RSRC1: variants seen among roughly 807,000 people sequenced by gnomAD.
RSRC1 encodes serine/Arginine-related protein 53.
RSRC1 carries 39 observed loss-of-function variants against 49.1 expected under a neutral mutation model. That is an observed-to-expected ratio of 0.79 (90% CI 0.61 to 1.04). The LOEUF (loss-of-function observed/expected upper bound fraction) is 1.04, where lower values mean the gene tolerates loss of function less well. RSRC1 is among the 50% of genes least tolerant of loss of function. RSRC1 has a pLI of 0.00. For missense variants in RSRC1, 388 were observed against 402.4 expected (o/e 0.96, Z 0.31); for synonymous variants, 143 against 130.8 (o/e 1.09, Z -0.63).
intron 8 of RSRC1, among the ~76,000 whole-genome samples, chr3:158,537,446 T>G (rs1469657129): frequency 6.6e-6 from 1 of 151,654 alleles, no homozygotes; most frequent in Non-Finnish European, 1.5e-5. Context: ...CCAAGAATAC[T>G]AAGTAATATG....
In RSRC1 at chr3:158,298,199, T is replaced by A. The variant is rs74944550; in HGVS notation, c.531+124T>A. On this transcript the variant is annotated intron_variant, in intron 5 of 9. Transcript: ENST00000611884. ...GTCAACCATTTCCCAAAGGGTCAGC[T>A]TACTGTTATTATGTGAAGGCACTTA... 3,600 of 713,566 alleles carry A rather than the reference T, an allele frequency of 5.0e-3. 122 individuals carry two copies. The African/African-American group carries it at 0.057, about 11-fold the overall frequency. The allele number at this position is 713,566 out of a possible 1,614,324, so 44.2% of individuals were successfully genotyped here. A position where few individuals can be genotyped will look rare whatever the true frequency, so the allele number is the denominator to read the frequency against.
chr3:158,263,397 C>A (rs373561465), intron 4 of RSRC1, among the ~76,000 whole-genome samples: 2 of 151,968 alleles, frequency 1.3e-5, no homozygotes, highest in Admixed American at 6.6e-5. Context: ...ATATATTATT[C>A]TCTTTATATA....
At position 158,160,493 on chromosome 3, in the gene RSRC1, T is replaced by A. The variant is rs142187922; in HGVS notation, c.320+36502T>A. Among the ~76,000 whole-genome samples the A allele has an allele frequency of 5.5e-3, 841 of 152,272 alleles. 8 individuals are homozygous for A. Among genetic ancestry groups the A allele is most frequent in the African/African-American group, 0.019 (804 of 41,562 alleles). On this transcript the variant is annotated intron_variant, in intron 3 of 9. Coordinates refer to ENST00000611884, the MANE Select transcript of RSRC1 (RefSeq NM_001271838.2). ...GAAAAGATAGGGGAATTGTGCCTAT[T>A]AAACAAGCAGAATTCTGTTTTTCCT...
At chr3:158,170,962 C>A (rs1217050191) in intron 3 of RSRC1, among the ~76,000 whole-genome samples, 1 of 152,062 alleles carries the variant, frequency 6.6e-6, no homozygotes, top group Non-Finnish European at 1.5e-5. Context: ...AGCTCAGACT[C>A]CAAGAAAAAA....
In RSRC1 at chr3:158,537,126, AAAAG is replaced by A; in HGVS notation, c.691_694del (p.Glu231LeufsTer29). 6.2e-7 allele frequency: 1 copy of A among 1,607,600 alleles called. No individual in the cohort carries two copies. The highest frequency in any genetic ancestry group is 1.3e-5 in the African/African-American group (1 of 74,614). On this transcript the variant is annotated frameshift_variant, in exon 8 of 10. Transcript: ENST00000611884. LOFTEE classifies it high-confidence loss of function. ...CCCTGGTAGAACAAGTAAAAAGAGT[AAAAG>A]AAATTGAAGCTATTGAAAGTGATTC...
rs1475463984 is a variant in RSRC1 at position 158,537,520 on chromosome 3, G to A, written c.759+322G>A. ...AACATACATGGTTTTCTTTTCAAAT[G>A]TGTACATCTACTTTTTGAATTGACA... On this transcript the variant is annotated intron_variant, in intron 8 of 9. Transcript: ENST00000611884. Among the ~76,000 whole-genome samples the A allele has an allele frequency of 6.6e-5, 10 of 151,530 alleles. 1 individual carries two copies. The highest frequency in any genetic ancestry group is 1.9e-4 in the African/African-American group (8 of 41,374).
intron 7 of RSRC1, among the ~76,000 whole-genome samples, chr3:158,530,628 TG>T (rs887745090): frequency 2.0e-5 from 3 of 151,430 alleles, no homozygotes; most frequent in African/African-American, 4.8e-5. Context: ...AGGGAAGATG[TG>T]GGGGGGAAAT....
chr3:158,339,499 A>G (rs904029170), intron 5 of RSRC1, among the ~76,000 whole-genome samples: 1 of 152,130 alleles, frequency 6.6e-6, no homozygotes, highest in African/African-American at 2.4e-5. Context: ...TTTATAATGT[A>G]GATTACGTGG....
In RSRC1 at chr3:158,437,432, G is replaced by A. The variant is rs571590052; in HGVS notation, c.584-23503G>A. 1.2e-4 allele frequency among the ~76,000 whole-genome samples: 19 copies of A among 152,160 alleles called. No individual in the cohort carries two copies. In the South Asian group the frequency reaches 2.3e-3, roughly 18 times the overall value. ...ATGGTTACAGTATAACTGGCAAACC[G>A]AATCCAGCAGCACCTCAAAAAGCTT... On this transcript the variant is annotated intron_variant, in intron 6 of 9. Transcript: ENST00000611884.
At chr3:158,227,658 T>G (rs904705039) in intron 4 of RSRC1, among the ~76,000 whole-genome samples, 9 of 152,032 alleles carry the variant, frequency 5.9e-5, no homozygotes, top group African/African-American at 2.2e-4. Context: ...TACGATTCAG[T>G]AAGTTGAAAG....
At chr3:158,305,056 T>A (rs974063491) in intron 5 of RSRC1, among the ~76,000 whole-genome samples, 1 of 152,088 alleles carries the variant, frequency 6.6e-6, no homozygotes, top group African/African-American at 2.4e-5. Flanking sequence ...TCTGATACAT[T>A]TTGATGAGTT....
rs139026856 is a variant in RSRC1, at chr3:158,486,629, A to G, written c.652+25626A>G. On this transcript the variant is annotated intron_variant, in intron 7 of 9. Transcript: ENST00000611884. Reference sequence around the variant, plus strand: ...ACATTTTTCAAATCTGTCAGTATGAACAAGCTTGGAGTAAACATATAGGTG... The same window carrying G: ...ACATTTTTCAAATCTGTCAGTATGAGCAAGCTTGGAGTAAACATATAGGTG... Among the ~76,000 whole-genome samples, 241 of 152,268 alleles carry G rather than the reference A, an allele frequency of 1.6e-3. 1 individual carries two copies. The highest frequency in any genetic ancestry group is 5.7e-3 in the African/African-American group (235 of 41,566).
In RSRC1 at chr3:158,344,518, T is replaced by G. The variant is rs551584840; in HGVS notation, c.532-10339T>G. 2.6e-5 allele frequency among the ~76,000 whole-genome samples: 4 copies of G among 152,166 alleles called. No homozygotes were observed. The South Asian group carries it at 8.3e-4, about 31-fold the overall frequency. Reference sequence around the variant, plus strand: ...TTGAATTCTATACCTTGAGATAATTTCTTTCAAAAATGTAGGCCAAATGAA... The same window carrying G: ...TTGAATTCTATACCTTGAGATAATTGCTTTCAAAAATGTAGGCCAAATGAA... On this transcript the variant is annotated intron_variant, in intron 5 of 9. Transcript: ENST00000611884.
intron 5 of RSRC1, among the ~76,000 whole-genome samples, chr3:158,308,126 T>C (rs551583797): frequency 6.6e-6 from 1 of 152,102 alleles, no homozygotes; most frequent in African/African-American, 2.4e-5. Flanking sequence ...GTAACTGTTA[T>C]ACACAGATTA....
intron 5 of RSRC1, among the ~76,000 whole-genome samples, chr3:158,316,821 G>T (rs1247809376): frequency 6.6e-6 from 1 of 152,114 alleles, no homozygotes; most frequent in African/African-American, 2.4e-5. Context: ...TGACATATAA[G>T]CCCAGTTTTT....
chr3:158,177,694 A>G (rs1719315271), intron 3 of RSRC1, among the ~76,000 whole-genome samples: 1 of 152,148 alleles, frequency 6.6e-6, no homozygotes, highest in South Asian at 2.1e-4. Context: ...CGTAATGTAA[A>G]TGACGAGTTG....
chr3:158,419,820 C>CAA (rs10574446), intron 6 of RSRC1, among the ~76,000 whole-genome samples: 13 of 134,412 alleles, frequency 9.7e-5, no homozygotes, highest in East Asian at 2.3e-4. Flanking sequence ...TTAAATCTAG[C>CAA]AAAAAAAAAA....
At chr3:158,330,711 G>T (rs2108193750) in intron 5 of RSRC1, among the ~76,000 whole-genome samples, 2 of 152,144 alleles carry the variant, frequency 1.3e-5, no homozygotes, top group South Asian at 2.1e-4. Flanking sequence ...CCCCAAATTG[G>T]AAACATTTTC....
At position 158,110,813 on chromosome 3, in the gene RSRC1, A is replaced by G. The variant is rs538629714; in HGVS notation, c.-3+590A>G. Among the ~76,000 whole-genome samples the G allele has an allele frequency of 3.3e-5, 5 of 152,220 alleles. No homozygotes were observed. The South Asian group carries it at 1.0e-3, about 32-fold the overall frequency. The stretch of plus-strand genomic sequence containing the variant: ...CTTAAACACACTATATATTCCTTTG[A>G]CTTCTGTACTGGTGGCATGTGACCA... On this transcript the variant is annotated intron_variant, in intron 1 of 9. Coordinates refer to ENST00000611884, the MANE Select transcript of RSRC1 (RefSeq NM_001271838.2).
Sources: gnomAD v4.1 joint callset for allele counts (sites outside exome capture counted in the v4.1 genomes callset) on GRCh38, gnomAD v4.1.1 for gene constraint, MANE v1.5 for transcripts, NCBI Gene and HGNC (gene_info 2026-07-23, HGNC 2026-07-21) for gene names.